The following LHFPL2 variants were observed in gnomAD, a reference collection of about 807,000 sequenced individuals.
The protein encoded by LHFPL2 is LHFPL tetraspan subfamily member 2 protein.
Under a neutral mutation model 17.5 loss-of-function variants are expected in LHFPL2, and 7 were observed. The ratio of observed to expected loss-of-function variants is 0.40; its 90% CI spans 0.23 to 0.75. The LOEUF is 0.75. Among genes scored for constraint, LHFPL2 ranks in the 30% least tolerant of loss-of-function variants. LHFPL2 has a pLI of 0.37. For missense variants in LHFPL2, 241 were observed against 294.8 expected (o/e 0.82, Z 1.34); for synonymous variants, 134 against 116.2 (o/e 1.15, Z -0.99).
In LHFPL2 at chr5:78,489,023, G is replaced by A. The variant is rs775136125; in HGVS notation, c.561C>T (p.Thr187=). The A allele has an allele frequency of 1.8e-5, 29 of 1,614,058 alleles. No individual in the cohort carries two copies. Among genetic ancestry groups the A allele is most frequent in the Admixed American group, 1.2e-4 (7 of 60,004 alleles). ...GDCSLGWAFY[T]AIGGTVLTFI... ...AAGTGAGGACTGTGCCCCCAATGGC[G>A]GTATAAAAGGCCCAGCCCAAGGAGC... Residue 187 remains threonine, a synonymous_variant, in exon 5 of 5, where the codon ACC becomes ACT. Coordinates refer to ENST00000380345, the MANE Select transcript of LHFPL2 (RefSeq NM_005779.3).
chr5:78,645,613 T>C (rs1415049978), intron 1 of LHFPL2, among the ~76,000 whole-genome samples: 1 of 148,162 alleles, frequency 6.7e-6, no homozygotes, highest in Non-Finnish European at 1.5e-5. Context: ...GATAGCGTCT[T>C]GCTCTGTCAC....
intron 3 of LHFPL2, among the ~76,000 whole-genome samples, chr5:78,516,644 T>G (rs1755300585): frequency 6.6e-6 from 1 of 152,270 alleles, no homozygotes; most frequent in Non-Finnish European, 1.5e-5. Context: ...TCTATTCTGA[T>G]GCGTATGTCT....
chr5:78,639,464 T>C lies in LHFPL2; in HGVS notation c.-349-7096A>G, dbSNP rs1206055542. Reference sequence around the variant, plus strand: ...TTAAGCCGGCACACTATGCTACGAATTACAGCATGAATCCATGCAGAGTCA... The same window carrying C: ...TTAAGCCGGCACACTATGCTACGAACTACAGCATGAATCCATGCAGAGTCA... On this transcript the variant is annotated intron_variant, in intron 1 of 4. Coordinates refer to ENST00000380345, the MANE Select transcript of LHFPL2 (RefSeq NM_005779.3). Among the ~76,000 whole-genome samples the C allele has an allele frequency of 2.0e-5, 3 of 152,178 alleles. No homozygotes were observed. In the East Asian group the frequency reaches 5.8e-4, roughly 29 times the overall value.
intron 4 of LHFPL2, chr5:78,494,468 A>G (rs573332198): frequency 1.0e-6 from 1 of 985,178 alleles, no homozygotes; most frequent in East Asian, 1.1e-4. Context: ...GCCTCATTGT[A>G]CCAAGGAGGT....
chr5:78,589,158 A>G (rs1399814905), intron 2 of LHFPL2, among the ~76,000 whole-genome samples: 1 of 152,298 alleles, frequency 6.6e-6, no homozygotes, highest in South Asian at 2.1e-4. Flanking sequence ...TGGGAGAATA[A>G]TAAAGGCATT....
chr5:78,595,802 C>T (rs1028203759), intron 2 of LHFPL2, among the ~76,000 whole-genome samples: 1 of 152,156 alleles, frequency 6.6e-6, no homozygotes, highest in Non-Finnish European at 1.5e-5. Context: ...AGGTGTGAGC[C>T]ACTGCAGCAC....
chr5:78,647,532 CAA>C (rs991963871), intron 1 of LHFPL2, among the ~76,000 whole-genome samples: 13 of 152,212 alleles, frequency 8.5e-5, no homozygotes, highest in Non-Finnish European at 7.3e-5. Flanking sequence ...GTTGCAATTT[CAA>C]AGAGTTCTCC....
intron 2 of LHFPL2, among the ~76,000 whole-genome samples, chr5:78,586,993 C>T (rs6863530): frequency 0.4 from 60,825 of 152,032 alleles, 12,473 homozygotes; most frequent in Middle Eastern, 0.48. Flanking sequence ...AGAAACTCAG[C>T]AGCTGCTGCT....
chr5:78,637,191 G>A (rs929679832), intron 1 of LHFPL2, among the ~76,000 whole-genome samples: 1 of 152,168 alleles, frequency 6.6e-6, no homozygotes, highest in Non-Finnish European at 1.5e-5. Flanking sequence ...CCTTAGCAGA[G>A]TGTCAGGCAA....
chr5:78,535,499 C>G (rs984349290), intron 3 of LHFPL2, among the ~76,000 whole-genome samples: 1 of 152,142 alleles, frequency 6.6e-6, no homozygotes, highest in Non-Finnish European at 1.5e-5. Flanking sequence ...GACCCCCTCT[C>G]CCACCAGAGC....
chr5:78,624,803 CT>C (rs1303886427), intron 2 of LHFPL2: 94 of 143,544 alleles, frequency 6.5e-4, no homozygotes, highest in South Asian at 1.6e-3. Flanking sequence ...GTTTTCTTTT[CT>C]TTTTTTTTTT....
chr5:78,489,561 A>C (rs1278465023), intron 4 of LHFPL2, among the ~76,000 whole-genome samples: 1 of 151,876 alleles, frequency 6.6e-6, no homozygotes. Context: ...ACACCACCAC[A>C]CCTGGCTAAG....
At chr5:78,494,004 A>G (rs546332004) in intron 4 of LHFPL2, among the ~76,000 whole-genome samples, 2 of 152,302 alleles carry the variant, frequency 1.3e-5, no homozygotes, top group South Asian at 2.1e-4. Flanking sequence ...TGGGTTTCAC[A>G]TGACGGCTGA....
At chr5:78,553,217 C>A (rs935547263) in intron 3 of LHFPL2, among the ~76,000 whole-genome samples, 2 of 152,200 alleles carry the variant, frequency 1.3e-5, no homozygotes, top group East Asian at 3.8e-4. Flanking sequence ...CTCTGCACTT[C>A]CGCATCTCCT....
chr5:78,623,315 A>C (rs1744923619), intron 2 of LHFPL2, among the ~76,000 whole-genome samples: 1 of 152,182 alleles, frequency 6.6e-6, no homozygotes, highest in South Asian at 2.1e-4. Flanking sequence ...CCATCACATT[A>C]TTTTCATTTT....
At chr5:78,490,952 A>G (rs1270518168) in intron 4 of LHFPL2, 1 of 152,152 alleles carries the variant, frequency 6.6e-6, no homozygotes, top group African/African-American at 2.4e-5. Flanking sequence ...ACCTTAACTG[A>G]AATTCTCTGG....
intron 4 of LHFPL2, among the ~76,000 whole-genome samples, chr5:78,508,551 ATCTT>A (rs1334086221): frequency 1.4e-4 from 21 of 152,188 alleles, no homozygotes; most frequent in African/African-American, 5.1e-4. Context: ...AGTAAACTTT[ATCTT>A]ATCGGCTGTT....
chr5:78,624,676 T>A (rs554364205), intron 2 of LHFPL2: 1 of 152,382 alleles, frequency 6.6e-6, no homozygotes, highest in Admixed American at 6.5e-5. Flanking sequence ...AAAACTCCCT[T>A]GTAATTGTAA....
chr5:78,583,381 T>C (rs1320352221), intron 2 of LHFPL2, among the ~76,000 whole-genome samples: 1 of 151,964 alleles, frequency 6.6e-6, no homozygotes, highest in East Asian at 1.9e-4. Context: ...CTAGTCTCGA[T>C]GGTCTTTACA....
Sources: gnomAD v4.1 joint callset for allele counts (sites outside exome capture counted in the v4.1 genomes callset) on GRCh38, gnomAD v4.1.1 for gene constraint, MANE v1.5 for transcripts, NCBI Gene and HGNC (gene_info 2026-07-23, HGNC 2026-07-21) for gene names.